PANK3: variants seen among roughly 807,000 people sequenced by gnomAD.
The protein encoded by PANK3 is hPanK3.
PANK3 carries 20 observed loss-of-function variants against 39.4 expected under a neutral mutation model. That is an observed-to-expected ratio of 0.51 (90% confidence interval 0.36 to 0.74). The LOEUF is 0.74. Among genes scored for constraint, PANK3 ranks in the 30% least tolerant of loss-of-function variants. The pLI is 0.00. For missense variants in PANK3, 265 were observed against 437.0 expected (o/e 0.61, Z 3.51); for synonymous variants, 140 against 157.3 (o/e 0.89, Z 0.82).
At chr5:168,567,755 G>C (rs1354972590) in intron 2 of PANK3, among the ~76,000 whole-genome samples, 2 of 152,050 alleles carry the variant, frequency 1.3e-5, no homozygotes, top group Non-Finnish European at 2.9e-5. Flanking sequence ...GAGTGGCTGG[G>C]ACTACAAGCA....
rs1759302181 is a variant in PANK3, at chr5:168,553,435, T to C, written c.*4136A>G. ...AATAGCCAACAAATTATGATAAGCA[T>C]TGAACTGCACCTGCCAAAGTGGTTG... On this transcript the variant is annotated 3_prime_UTR_variant, in exon 7 of 7. Coordinates refer to ENST00000239231, the MANE Select transcript of PANK3 (RefSeq NM_024594.4). 4 of 432,648 alleles carry C rather than the reference T, an allele frequency of 9.2e-6. No homozygotes were observed. In the Admixed American group the frequency reaches 1.0e-4, roughly 11 times the overall value. 26.8% of individuals were successfully genotyped at this position (432,648 alleles called of 1,614,324 possible).
intron 1 of PANK3, among the ~76,000 whole-genome samples, chr5:168,577,137 C>T (rs1017040799): frequency 9.9e-5 from 15 of 152,156 alleles, no homozygotes; most frequent in African/African-American, 3.6e-4. Flanking sequence ...ACTCAGCCTC[C>T]CAAAGTGCTG....
At chr5:168,563,832 TA>T (rs1759481989) in intron 4 of PANK3, 56 bp downstream of exon 4, 1 of 1,469,430 alleles carries the variant, frequency 6.8e-7, no homozygotes, top group African/African-American at 1.4e-5. Context: ...TCCAAAAACA[TA>T]AGCAACTTGA....
intron 1 of PANK3, 67 bp downstream of exon 1, chr5:168,579,189 C>A: frequency 2.1e-6 from 3 of 1,410,636 alleles, no homozygotes; most frequent in South Asian, 2.9e-5. Flanking sequence ...GACCGCCCAG[C>A]CAAGGGGCTT....
At chr5:168,574,046 C>T (rs1315624757) in intron 1 of PANK3, among the ~76,000 whole-genome samples, 1 of 150,968 alleles carries the variant, frequency 6.6e-6, no homozygotes, top group East Asian at 1.9e-4. Flanking sequence ...AATGGGATGG[C>T]TGGGTCAAAT....
chr5:168,551,956 G>C lies in PANK3; in HGVS notation c.*5615C>G, dbSNP rs1162142811. On this transcript the variant is annotated 3_prime_UTR_variant, in exon 7 of 7. Coordinates refer to ENST00000239231, the MANE Select transcript of PANK3 (RefSeq NM_024594.4). The stretch of plus-strand genomic sequence containing the variant: ...AAGGAACTGCCATGTCAAATTACAT[G>C]GCAAGTTTACTAATAGTCTTTGGAA... The C allele has an allele frequency of 6.6e-6, 1 of 152,066 alleles. No homozygotes were observed. The highest frequency in any genetic ancestry group is 1.5e-5 in the Non-Finnish European group (1 of 67,998). The allele number at this position is 152,066 out of a possible 1,614,324, so 9.4% of individuals were successfully genotyped here. A position where few individuals can be genotyped will look rare whatever the true frequency, so the allele number is the denominator to read the frequency against.
Position 168,548,721 on chromosome 5 carries a change from T to C in PANK3, c.*8850A>G, listed in dbSNP as rs2113091744. 1 of 152,310 alleles carries C rather than the reference T, an allele frequency of 6.6e-6. No homozygotes were observed. The highest frequency in any genetic ancestry group is 2.1e-4 in the South Asian group (1 of 4,828). The allele number at this position is 152,310 out of a possible 1,614,324, so 9.4% of individuals were successfully genotyped here. A position where few individuals can be genotyped will look rare whatever the true frequency, so the allele number is the denominator to read the frequency against. On this transcript the variant is annotated 3_prime_UTR_variant, in exon 7 of 7. Transcript: ENST00000239231. ...ACGGGAATGTTTACAGAATGCGCCA[T>C]GGCAAACATTTTTCAAATTTACATA...
intron 1 of PANK3, among the ~76,000 whole-genome samples, chr5:168,569,259 A>G (rs1306313690): frequency 7.5e-6 from 1 of 133,840 alleles, no homozygotes; most frequent in Non-Finnish European, 1.5e-5. Context: ...ATCTTGGCTC[A>G]CTGCAAACTC....
intron 5 of PANK3, 144 bp downstream of exon 5, chr5:168,561,249 A>T: frequency 1.7e-6 from 1 of 601,854 alleles, no homozygotes. Context: ...CGTAACATAT[A>T]TACCTAATGA....
chr5:168,553,754 C>T lies in PANK3; in HGVS notation c.*3817G>A, dbSNP rs145181291. 1 of 155,084 alleles carries T rather than the reference C, an allele frequency of 6.4e-6. No homozygotes were observed. The highest frequency in any genetic ancestry group is 2.4e-5 in the African/African-American group (1 of 41,588). 9.6% of individuals were successfully genotyped at this position (155,084 alleles called of 1,614,324 possible). On this transcript the variant is annotated 3_prime_UTR_variant, in exon 7 of 7. Transcript: ENST00000239231. ...TTCCAGAGACACTTCTTCCAGCCAA[C>T]AAAACCTTCAAAGTGTCCTTGGCAG... is the stretch of plus-strand genomic sequence containing the variant.
At chr5:168,575,029 C>A (rs779002758) in intron 1 of PANK3, among the ~76,000 whole-genome samples, 2 of 151,808 alleles carry the variant, frequency 1.3e-5, no homozygotes, top group Non-Finnish European at 2.9e-5. Flanking sequence ...ATAAAACATT[C>A]CTTGCTAAGG....
chr5:168,561,275 G>A lies in PANK3; in HGVS notation c.936+118C>T, dbSNP rs1053238880. The stretch of plus-strand genomic sequence containing the variant: ...TACCTAATGAGTCTTGGCATTTAAT[G>A]GGTTACATCTCAATCCCAGAGGCCT... On this transcript the variant is annotated intron_variant, in intron 5 of 6. Coordinates refer to ENST00000239231, the MANE Select transcript of PANK3 (RefSeq NM_024594.4). The A allele has an allele frequency of 3.7e-6, 3 of 803,512 alleles. No individual in the cohort carries two copies. The African/African-American group carries it at 5.2e-5, about 14-fold the overall frequency. 49.8% of individuals were successfully genotyped at this position (803,512 alleles called of 1,614,324 possible). A position where few individuals can be genotyped will look rare whatever the true frequency, so the allele number is the denominator to read the frequency against.
intron 1 of PANK3, among the ~76,000 whole-genome samples, chr5:168,575,987 T>A (rs1759725553): frequency 6.6e-6 from 1 of 152,212 alleles, no homozygotes; most frequent in South Asian, 2.1e-4. Flanking sequence ...GACATTTCAC[T>A]ATTCTCAATA....
intron 4 of PANK3, among the ~76,000 whole-genome samples, chr5:168,562,701 A>T (rs1473731148): frequency 6.6e-6 from 1 of 152,224 alleles, no homozygotes; most frequent in Non-Finnish European, 1.5e-5. Flanking sequence ...AAGTAGCCTT[A>T]AACAAACAGA....
chr5:168,569,087 C>A lies in PANK3; in HGVS notation c.29-89G>T, dbSNP rs1320556033. On this transcript the variant is annotated intron_variant, in intron 1 of 6. Transcript: ENST00000239231. ...ACACAAATTAAAAACCAGTTAGCCACAAACTTCATTTACTCTGAATCATGC... is the reference window on the plus strand; with the variant it reads ...ACACAAATTAAAAACCAGTTAGCCAAAAACTTCATTTACTCTGAATCATGC... 1.7e-5 allele frequency: 5 copies of A among 299,490 alleles called. 1 individual carries two copies. The East Asian group carries it at 3.8e-4, about 23-fold the overall frequency. The allele number at this position is 299,490 out of a possible 1,614,324, so 18.6% of individuals were successfully genotyped here.
intron 1 of PANK3, 32 bp from the exon 2 acceptor site, chr5:168,569,030 A>ATACATATATATATATAT (rs1554125889): frequency 1.7e-5 from 2 of 115,514 alleles, no homozygotes; most frequent in Admixed American, 1.9e-4. Context: ...AAAAAAAAAA[A>ATACATATATATATATAT]ATATATATAT....
chr5:168,561,863 T>C (rs899550739), intron 4 of PANK3, among the ~76,000 whole-genome samples: 2 of 152,214 alleles, frequency 1.3e-5, no homozygotes, highest in African/African-American at 4.8e-5. Flanking sequence ...TCTTTTTCAT[T>C]CAGTCACAAG....
Position 168,563,737 on chromosome 5 carries a change from A to G in PANK3, c.812+152T>C, listed in dbSNP as rs563950442. On this transcript the variant is annotated intron_variant, in intron 4 of 6. Transcript: ENST00000239231. ...AGGGTAAACTTCTTAATGTATACTT[A>G]ATTTTTAAATGACATCAATGTTCAA... 8 of 590,262 alleles carry G rather than the reference A, an allele frequency of 1.4e-5. No individual in the cohort carries two copies. The African/African-American group carries it at 1.5e-4, about 11-fold the overall frequency. The allele number at this position is 590,262 out of a possible 1,614,324, so 36.6% of individuals were successfully genotyped here. A position where few individuals can be genotyped will look rare whatever the true frequency, so the allele number is the denominator to read the frequency against.
Position 168,557,374 on chromosome 5 carries a change from G to A in PANK3, c.*197C>T. The A allele has an allele frequency of 1.7e-6, 1 of 576,356 alleles. No homozygotes were observed. The highest frequency in any genetic ancestry group is 3.1e-6 in the Non-Finnish European group (1 of 326,486). The allele number at this position is 576,356 out of a possible 1,614,324, so 35.7% of individuals were successfully genotyped here. A position where few individuals can be genotyped will look rare whatever the true frequency, so the allele number is the denominator to read the frequency against. ...GTATTGCATTTAAGGATTTAACACT[G>A]GCTATATACAAAAGGGAAAGCATTT... On this transcript the variant is annotated 3_prime_UTR_variant, in exon 7 of 7. Transcript: ENST00000239231.
Sources: allele counts gnomAD v4.1 joint callset (sites outside exome capture counted in the v4.1 genomes callset), GRCh38; gene constraint gnomAD v4.1.1; transcripts MANE v1.5; gene names NCBI Gene and HGNC (gene_info 2026-07-23, HGNC 2026-07-21).